MNDA: variants seen among roughly 807,000 people sequenced by gnomAD.
MNDA encodes the protein epididymis secretory sperm binding protein.
Under a neutral mutation model 37.8 loss-of-function variants are expected in MNDA, and 43 were observed. The observed-to-expected ratio is 1.14, with a 90% CI of 0.89 to 1.47. The LOEUF is 1.47. Ranked by LOEUF, MNDA falls within the 40% of genes most tolerant of loss-of-function variation. The pLI is 0.00. For missense variants in MNDA, 536 were observed against 476.0 expected, an observed-to-expected ratio of 1.13 and a Z score of -1.17; for synonymous variants, 181 against 169.0, an observed-to-expected ratio of 1.07 and a Z score of -0.55.
At chr1:158,845,109 C>T (rs1659105621) in intron 4 of MNDA, among the ~76,000 whole-genome samples, 1 of 152,148 alleles carries the variant, frequency 6.6e-6, no homozygotes, top group Admixed American at 6.5e-5. Context: ...TTCAGTAATC[C>T]CTGTCTAGCC....
At chr1:158,848,000 A>G (rs1659175097) in intron 6 of MNDA, 84 bp downstream of exon 6, 1 of 1,287,820 alleles carries the variant, frequency 7.8e-7, no homozygotes, top group Non-Finnish European at 1.1e-6. Flanking sequence ...TTCCTCATGT[A>G]TTACTCAGAG....
At chr1:158,841,890 A>T (rs1659035016) in intron 1 of MNDA, among the ~76,000 whole-genome samples, 1 of 152,202 alleles carries the variant, frequency 6.6e-6, no homozygotes, top group African/African-American at 2.4e-5. Flanking sequence ...TCCAAACATC[A>T]TTTCACCACA....
intron 3 of MNDA, 123 bp from the exon 4 acceptor site, chr1:158,843,832 G>A: frequency 5.0e-6 from 4 of 798,030 alleles, no homozygotes; most frequent in Admixed American, 3.1e-5. Flanking sequence ...TAATTCCCTG[G>A]GGTTTCCAAG....
chr1:158,833,414 C>T (rs1258978105), intron 1 of MNDA, among the ~76,000 whole-genome samples: 1 of 152,172 alleles, frequency 6.6e-6, no homozygotes, highest in African/African-American at 2.4e-5. Context: ...TATTGTTGTG[C>T]AACCAACCTC....
intron 4 of MNDA, among the ~76,000 whole-genome samples, chr1:158,845,325 C>T (rs1659111130): frequency 6.6e-6 from 1 of 152,184 alleles, no homozygotes; most frequent in Admixed American, 6.5e-5. Flanking sequence ...GCAAGCTCCG[C>T]CTCCCAGGTT....
At position 158,845,962 on chromosome 1, in the gene MNDA, G is replaced by A; in HGVS notation, c.946G>A (p.Ala316Thr). The A allele has an allele frequency of 6.2e-7, 1 of 1,614,072 alleles. No homozygotes were observed. Among genetic ancestry groups the A allele is most frequent in the Non-Finnish European group, 8.5e-7 (1 of 1,179,982 alleles). The change falls in exon 5 of 7, where the codon GCA becomes ACA. Residue 316 changes from alanine (A) to threonine (T), a missense_variant. Ala to Thr is a moderately conservative substitution (Grantham distance 58, BLOSUM62 0). Transcript: ENST00000368141. Reference sequence around the variant, plus strand: ...CAAGATCAGTCAACTTTACAAGCAAGCATCTGGAACAATGGTGTATGGGTT... The same window carrying A: ...CAAGATCAGTCAACTTTACAAGCAAACATCTGGAACAATGGTGTATGGGTT... ...TPKISQLYKQ[A>T]SGTMVYGLFM...
intron 1 of MNDA, among the ~76,000 whole-genome samples, chr1:158,839,260 G>A (rs891727795): frequency 3.3e-5 from 5 of 152,078 alleles, no homozygotes; most frequent in Admixed American, 2.0e-4. Context: ...AAATATAAAC[G>A]TTCTCTGAGG....
In MNDA at chr1:158,839,679, C is replaced by T. The variant is rs545476465; in HGVS notation, c.-20-2455C>T. 7.9e-5 allele frequency among the ~76,000 whole-genome samples: 12 copies of T among 152,234 alleles called. No individual in the cohort carries two copies. The South Asian group carries it at 1.9e-3, about 24-fold the overall frequency. ...GAATTAGGAAGTTTCCTCCTGATCA[C>T]GTCACACCATTCAAGGGAGAAAGTT... On this transcript the variant is annotated intron_variant, in intron 1 of 6. Coordinates refer to ENST00000368141, the MANE Select transcript of MNDA (RefSeq NM_002432.3).
intron 2 of MNDA, chr1:158,842,698 G>T: frequency 4.1e-6 from 1 of 244,828 alleles, no homozygotes. Context: ...AAAAATGTCA[G>T]AAAATGAAAA....
intron 1 of MNDA, among the ~76,000 whole-genome samples, chr1:158,834,306 C>T (rs1658866268): frequency 6.7e-6 from 1 of 149,348 alleles, no homozygotes; most frequent in Non-Finnish European, 1.5e-5. Context: ...GATCTCGACT[C>T]ACTGCAAGCT....
At chr1:158,836,631 G>C (rs1436557445) in intron 1 of MNDA, among the ~76,000 whole-genome samples, 1 of 151,562 alleles carries the variant, frequency 6.6e-6, no homozygotes, top group Admixed American at 6.6e-5. Flanking sequence ...TGTCAATTCA[G>C]TTAAAGTTCT....
chr1:158,844,234 G>A (rs944199668), intron 4 of MNDA, 112 bp downstream of exon 4: 3 of 1,134,296 alleles, frequency 2.6e-6, no homozygotes, highest in African/African-American at 1.6e-5. Flanking sequence ...ATTTGCTGTG[G>A]GAAAACTGTT....
At position 158,849,257 on chromosome 1, in the gene MNDA, A is replaced by G. The variant is rs1659202574; in HGVS notation, c.*20A>G. On this transcript the variant is annotated 3_prime_UTR_variant, in exon 7 of 7. Transcript: ENST00000368141. ...AATTGAAATATGAAAGCTGAAATGC[A>G]ACAAACAACTTCCGCTTAAAACAAT... 6.2e-7 allele frequency: 1 copy of G among 1,606,364 alleles called. No homozygotes were observed. Among genetic ancestry groups the G allele is most frequent in the East Asian group, 2.2e-5 (1 of 44,662 alleles).
At position 158,843,310 on chromosome 1, in the gene MNDA, T is replaced by C. The variant is rs1254780612; in HGVS notation, c.297T>C (p.Ala99=). Residue 99 remains alanine, a synonymous_variant, in exon 3 of 7, where the codon GCT becomes GCC. Transcript: ENST00000368141. ...AGAAAATTAAAACACAAGAAAAAGC[T>C]CCAGTGAAAAAAATAAACCAGGAAG... The part of the protein sequence containing the change: ...VAKKIKTQEK[A]PVKKINQEEV... 7 of 1,610,930 alleles carry C rather than the reference T, an allele frequency of 4.3e-6. No individual in the cohort carries two copies. The highest frequency in any genetic ancestry group is 5.9e-6 in the Non-Finnish European group (7 of 1,178,836).
intron 1 of MNDA, among the ~76,000 whole-genome samples, chr1:158,839,413 CTA>C (rs1165632984): frequency 2.0e-5 from 3 of 152,192 alleles, no homozygotes; most frequent in Admixed American, 2.0e-4. Context: ...CTGTATTCCT[CTA>C]TCCATAATCT....
In MNDA at chr1:158,845,880, C is replaced by A; in HGVS notation, c.864C>A (p.Asp288Glu). ...TAAAGGAAGCATCATCTGTGTCTGA[C>A]TTTAATCAAAATTTTGAGGTCCCAA... is the stretch of plus-strand genomic sequence containing the variant. ...MEIKEASSVS[D>E]FNQNFEVPNR... Residue 288 changes from aspartate to glutamate, a missense_variant, in exon 5 of 7, where the codon GAC becomes GAA. Transcript: ENST00000368141. 2 of 1,614,132 alleles carry A rather than the reference C, an allele frequency of 1.2e-6. No individual in the cohort carries two copies. Among genetic ancestry groups the A allele is most frequent in the South Asian group, 1.1e-5 (1 of 91,082 alleles).
At chr1:158,832,306 G>A (rs1658819794) in intron 1 of MNDA, among the ~76,000 whole-genome samples, 1 of 151,826 alleles carries the variant, frequency 6.6e-6, no homozygotes, top group Admixed American at 6.6e-5. Flanking sequence ...ATAAACGTTG[G>A]ATTCCAAATT....
intron 1 of MNDA, among the ~76,000 whole-genome samples, chr1:158,840,062 G>C (rs766241010): frequency 1.3e-5 from 2 of 152,012 alleles, no homozygotes; most frequent in African/African-American, 2.4e-5. Flanking sequence ...CATTTTTTTA[G>C]GGGGGGATTT....
Position 158,845,848 on chromosome 1 carries a change from A to T in MNDA, c.832A>T (p.Met278Leu). The T allele has an allele frequency of 6.2e-7, 1 of 1,614,194 alleles. No homozygotes were observed. The highest frequency in any genetic ancestry group is 1.1e-5 in the South Asian group (1 of 91,080). ...TGATTACTCTGAATGTAAAGGAGTA[A>T]TGGAAATAAAGGAAGCATCATCTGT... The part of the protein sequence containing the change: ...ISDYSECKGV[M>L]EIKEASSVSD... The change falls in exon 5 of 7, where the codon ATG becomes TTG. Residue 278 changes from methionine to leucine, a missense_variant. Transcript: ENST00000368141.
Sources: gnomAD v4.1 joint callset for allele counts (sites outside exome capture counted in the v4.1 genomes callset) on GRCh38, gnomAD v4.1.1 for gene constraint, MANE v1.5 for transcripts, NCBI Gene and HGNC (gene_info 2026-07-23, HGNC 2026-07-21) for gene names.